The following RANBP3 variants were observed in gnomAD, a reference collection of about 807,000 sequenced individuals.
The protein encoded by RANBP3 is RAN binding protein 3, also known as ran-binding protein 3.
In RANBP3, 14 loss-of-function variants were observed where a neutral mutation model predicts 77.3. The ratio of observed to expected loss-of-function variants is 0.18; its 90% CI spans 0.12 to 0.28. The LOEUF is 0.28. Ranked by LOEUF, RANBP3 falls within the 10% of genes least tolerant of loss-of-function variation. The pLI is 1.00. For synonymous variants in RANBP3, 315 were observed against 312.4 expected (o/e 1.01, Z -0.09); for missense variants, 586 against 752.3 (o/e 0.78, Z 2.59).
chr19:5,976,425 C>A (rs1009052519), intron 1 of RANBP3: 37 of 152,142 alleles, frequency 2.4e-4, no homozygotes, highest in African/African-American at 8.0e-4. Context: ...ATGCTGCAAC[C>A]CTCCATGGGC....
intron 6 of RANBP3, chr19:5,932,794 G>A (rs1599737943): frequency 1.2e-5 from 6 of 504,968 alleles, no homozygotes; most frequent in East Asian, 3.6e-5. Context: ...GCACAGTAAC[G>A]TGGCGGGGCG....
intron 1 of RANBP3, among the ~76,000 whole-genome samples, chr19:5,973,534 A>C (rs1456705729): frequency 6.6e-6 from 1 of 152,204 alleles, no homozygotes; most frequent in African/African-American, 2.4e-5. Flanking sequence ...ACCTGGCCCC[A>C]GATGTCTGTA....
At position 5,917,951 on chromosome 19, in the gene RANBP3, A is replaced by G. The variant is rs1347781989; in HGVS notation, c.1503T>C (p.Tyr501=). The G allele has an allele frequency of 6.2e-7, 1 of 1,608,574 alleles. No individual in the cohort carries two copies. Among genetic ancestry groups the G allele is most frequent in the South Asian group, 1.1e-5 (1 of 90,598 alleles). ...SASSKDTGQL[Y]AALHHRILAL... ...CCAGGATGCGGTGGTGCAGGGCTGC[A>G]TACAACTGACCTGTGTCCTTGGAGC... The change falls in exon 16 of 17, where the codon TAT becomes TAC. Residue 501 remains tyrosine (Y), a synonymous_variant. Transcript: ENST00000340578.
intron 2 of RANBP3, among the ~76,000 whole-genome samples, chr19:5,956,153 CA>C (rs1199269504): frequency 6.6e-6 from 1 of 151,926 alleles, no homozygotes; most frequent in Non-Finnish European, 1.5e-5. Context: ...AAAAACAAAA[CA>C]AAAAAACACA....
intron 5 of RANBP3, among the ~76,000 whole-genome samples, chr19:5,936,839 C>T (rs1214751838): frequency 6.6e-6 from 1 of 151,922 alleles, no homozygotes; most frequent in Non-Finnish European, 1.5e-5. Context: ...GGAACAAGCA[C>T]GTGGGGAGAA....
At chr19:5,968,035 AG>A (rs2058488715) in intron 1 of RANBP3, among the ~76,000 whole-genome samples, 1 of 152,200 alleles carries the variant, frequency 6.6e-6, no homozygotes, top group South Asian at 2.1e-4. Flanking sequence ...AAGAAAAGAA[AG>A]AAAAAAGAAA....
chr19:5,927,706 G>T (rs978358022), intron 9 of RANBP3, among the ~76,000 whole-genome samples: 1 of 152,112 alleles, frequency 6.6e-6, no homozygotes, highest in Non-Finnish European at 1.5e-5. Flanking sequence ...CCCTGTCCCC[G>T]CTACCATGAG....
chr19:5,949,838 G>A (rs1191357005), intron 3 of RANBP3, among the ~76,000 whole-genome samples: 1 of 152,216 alleles, frequency 6.6e-6, no homozygotes, highest in African/African-American at 2.4e-5. Context: ...TCTGTGAGAA[G>A]TACGCAGGGC....
intron 5 of RANBP3, among the ~76,000 whole-genome samples, chr19:5,937,301 G>A (rs1359940100): frequency 6.6e-6 from 1 of 152,046 alleles, no homozygotes; most frequent in Non-Finnish European, 1.5e-5. Context: ...CCCCGTGCTG[G>A]TAAGGGGACA....
Position 5,923,307 on chromosome 19 carries a change from A to T in RANBP3, c.1100-4T>A, listed in dbSNP as rs1293215067. 3 of 1,613,728 alleles carry T rather than the reference A, an allele frequency of 1.9e-6. No individual in the cohort carries two copies. Among genetic ancestry groups the T allele is most frequent in the Non-Finnish European group, 2.5e-6 (3 of 1,179,650 alleles). ...GCTGCCGACTCAGCCAGGGACTCTG[A>T]AAAGTTATTGGCCAAAAAGACTGAC... On this transcript the variant is annotated splice_polypyrimidine_tract_variant and splice_region_variant and intron_variant, in intron 12 of 16. Transcript: ENST00000340578.
chr19:5,942,587 T>C (rs186489839), intron 3 of RANBP3, among the ~76,000 whole-genome samples: 2 of 151,104 alleles, frequency 1.3e-5, no homozygotes, highest in East Asian at 3.9e-4. Context: ...ACGCCTGTAA[T>C]CTCAGCTACA....
intron 8 of RANBP3, among the ~76,000 whole-genome samples, chr19:5,930,821 G>A (rs1242642300): frequency 1.3e-5 from 2 of 152,122 alleles, no homozygotes; most frequent in African/African-American, 2.4e-5. Flanking sequence ...CACCTGCCGC[G>A]GCCTCCCAAA....
chr19:5,962,777 A>G, intron 1 of RANBP3: 1 of 455,992 alleles, frequency 2.2e-6, no homozygotes, highest in South Asian at 1.5e-5. Flanking sequence ...ATCAACTGCA[A>G]ATCAGCACGG....
intron 5 of RANBP3, chr19:5,935,582 C>T (rs1330448442): frequency 1.7e-5 from 6 of 361,034 alleles, no homozygotes; most frequent in African/African-American, 6.4e-5. Context: ...TGCCCTTCCA[C>T]ACTCCGCTCC....
At chr19:5,960,044 T>C (rs2058380790) in intron 1 of RANBP3, among the ~76,000 whole-genome samples, 1 of 152,142 alleles carries the variant, frequency 6.6e-6, no homozygotes, top group African/African-American at 2.4e-5. Context: ...CTGGAGATCC[T>C]GGGGCTGCTG....
At chr19:5,964,778 T>TAA (rs1217477747) in intron 1 of RANBP3, among the ~76,000 whole-genome samples, 1 of 144,276 alleles carries the variant, frequency 6.9e-6, no homozygotes, top group Non-Finnish European at 1.5e-5. Flanking sequence ...GTGCTAATGC[T>TAA]TGGGACACGC....
intron 1 of RANBP3, among the ~76,000 whole-genome samples, chr19:5,964,866 GCACGGT>G (rs1568479471): frequency 1.3e-3 from 92 of 71,412 alleles, no homozygotes; most frequent in Non-Finnish European, 2.1e-3. Flanking sequence ...GGGGGGGGTG[GCACGGT>G]GGGGGGTCAC....
intron 9 of RANBP3, among the ~76,000 whole-genome samples, chr19:5,927,454 T>C (rs1306733723): frequency 6.6e-6 from 1 of 152,144 alleles, no homozygotes; most frequent in East Asian, 1.9e-4. Flanking sequence ...TCTGGGGACA[T>C]TTGTGGTTGT....
chr19:5,954,182 G>A lies in RANBP3; in HGVS notation c.79-2586C>T, dbSNP rs779992956. ...TGTCTCCTTTGAATGGCGTGAGAGG[G>A]ATGGTGGAGACGAAGGGGCTCTTTT... On this transcript the variant is annotated intron_variant, in intron 2 of 16. Coordinates refer to ENST00000340578, the MANE Select transcript of RANBP3 (RefSeq NM_007322.3). Among the ~76,000 whole-genome samples the A allele has an allele frequency of 1.9e-4, 29 of 152,332 alleles. 1 individual carries two copies. The highest frequency in any genetic ancestry group is 8.3e-4 in the South Asian group (4 of 4,824).
Sources: allele counts gnomAD v4.1 joint callset (sites outside exome capture counted in the v4.1 genomes callset), GRCh38; gene constraint gnomAD v4.1.1; transcripts MANE v1.5; gene names NCBI Gene and HGNC (gene_info 2026-07-23, HGNC 2026-07-21).